Variants in EFCAB5 observed in about 807,000 individuals in gnomAD.
EFCAB5 encodes the protein EF-hand calcium-binding domain-containing protein 5.
Under a neutral mutation model 167.9 loss-of-function variants are expected in EFCAB5, and 131 were observed. The ratio of observed to expected loss-of-function variants is 0.78; its 90% CI spans 0.68 to 0.90. The LOEUF is 0.90. Among genes scored for constraint, EFCAB5 ranks in the 40% least tolerant of loss-of-function variants. The pLI is 0.00. For synonymous variants in EFCAB5, 574 were observed against 602.8 expected, an observed-to-expected ratio of 0.95 and a Z score of 0.70; for missense variants, 1,663 against 1,745.2, an observed-to-expected ratio of 0.95 and a Z score of 0.84.
At chr17:30,054,262 T>G (rs2070191619) in intron 10 of EFCAB5, 114 bp downstream of exon 10, 1 of 1,341,750 alleles carries the variant, frequency 7.5e-7, no homozygotes, top group African/African-American at 1.5e-5. Flanking sequence ...TATCAGATCA[T>G]GCAAACCTCA....
At chr17:29,987,746 G>A (rs367830511) in intron 4 of EFCAB5, among the ~76,000 whole-genome samples, 3 of 152,154 alleles carry the variant, frequency 2.0e-5, no homozygotes, top group East Asian at 1.9e-4. Flanking sequence ...AGAGAAAAAT[G>A]TAACTAGAGC....
At chr17:30,071,831 CT>C (rs2070744124) in intron 14 of EFCAB5, among the ~76,000 whole-genome samples, 1 of 152,102 alleles carries the variant, frequency 6.6e-6, no homozygotes, top group South Asian at 2.1e-4. Flanking sequence ...AGAAAAAAAT[CT>C]GTCATTTGCC....
intron 14 of EFCAB5, chr17:30,074,025 G>A (rs1432389877): frequency 6.1e-6 from 1 of 163,870 alleles, no homozygotes; most frequent in Non-Finnish European, 1.3e-5. Flanking sequence ...ATCTCTTCTG[G>A]AATTTCATAA....
At chr17:30,012,496 G>A (rs949099661) in intron 7 of EFCAB5, among the ~76,000 whole-genome samples, 2 of 152,194 alleles carry the variant, frequency 1.3e-5, no homozygotes, top group Non-Finnish European at 2.9e-5. Context: ...TGCCTCGGCT[G>A]CCAGGCAGGG....
In EFCAB5 at chr17:30,053,482, A is replaced by G. The variant is rs769938235; in HGVS notation, c.1528A>G (p.Arg510Gly). 6.2e-7 allele frequency: 1 copy of G among 1,614,050 alleles called. No homozygotes were observed. Among genetic ancestry groups the G allele is most frequent in the Non-Finnish European group, 8.5e-7 (1 of 1,179,898 alleles). The change falls in exon 10 of 23, where the codon AGA (arginine) becomes GGA (glycine). Residue 510 changes from arginine (R) to glycine (G), a missense_variant. Transcript: ENST00000394835. ...ATCACCAAACCCGCCAGAACAGCAG[A>G]GAGGAGTAACTGCAGAACAAGGACC... ...TPSPNPPEQQ[R>G]GVTAEQGPQR...
chr17:29,932,870 A>G (rs1182605225), intron 1 of EFCAB5, among the ~76,000 whole-genome samples: 2 of 152,214 alleles, frequency 1.3e-5, no homozygotes, highest in Non-Finnish European at 2.9e-5. Context: ...ATCCTGATCA[A>G]AATTGAATTA....
intron 22 of EFCAB5, among the ~76,000 whole-genome samples, chr17:30,102,238 A>G (rs1310595237): frequency 6.6e-6 from 1 of 152,196 alleles, no homozygotes; most frequent in Non-Finnish European, 1.5e-5. Context: ...AGAAGCTGAA[A>G]GCAGAGTCAT....
At chr17:30,103,326 T>C (rs1825946623) in intron 22 of EFCAB5, among the ~76,000 whole-genome samples, 1 of 151,790 alleles carries the variant, frequency 6.6e-6, no homozygotes, top group Non-Finnish European at 1.5e-5. Flanking sequence ...ATGAATTTTG[T>C]AAATATAATT....
At chr17:29,931,879 A>G (rs1304897550) in intron 1 of EFCAB5, among the ~76,000 whole-genome samples, 1 of 152,208 alleles carries the variant, frequency 6.6e-6, no homozygotes, top group Non-Finnish European at 1.5e-5. Context: ...ATGATGTTCT[A>G]CTTTTTCATG....
chr17:30,043,297 C>T (rs1025236001), intron 8 of EFCAB5, among the ~76,000 whole-genome samples: 6 of 152,004 alleles, frequency 3.9e-5, no homozygotes, highest in Admixed American at 2.0e-4. Context: ...GCTATACTTA[C>T]AATGGTAAAA....
At chr17:30,046,465 T>C (rs1024167120) in intron 8 of EFCAB5, among the ~76,000 whole-genome samples, 2 of 152,184 alleles carry the variant, frequency 1.3e-5, no homozygotes, top group African/African-American at 4.8e-5. Flanking sequence ...TCAGAAAACC[T>C]GATCATTATA....
intron 14 of EFCAB5, among the ~76,000 whole-genome samples, chr17:30,075,624 G>T (rs773782836): frequency 3.3e-5 from 5 of 152,136 alleles, no homozygotes; most frequent in Non-Finnish European, 5.9e-5. Flanking sequence ...TGTTTGTACT[G>T]CTTGGAATCT....
chr17:30,025,529 G>T (rs1404830895), intron 7 of EFCAB5, among the ~76,000 whole-genome samples: 5 of 152,206 alleles, frequency 3.3e-5, no homozygotes, highest in African/African-American at 1.2e-4. Flanking sequence ...ACAGGTGCTG[G>T]AGAGGACGTG....
At chr17:30,051,051 C>A in intron 8 of EFCAB5, 67 bp from the exon 9 acceptor site, 6 of 1,366,344 alleles carry the variant, frequency 4.4e-6, no homozygotes, top group Non-Finnish European at 5.2e-6. Flanking sequence ...CAATAAGCCA[C>A]GTTCCAACTG....
chr17:29,944,622 G>GTTTTTTTTTTTTTTT (rs1442294530), intron 3 of EFCAB5, among the ~76,000 whole-genome samples: 5 of 134,142 alleles, frequency 3.7e-5, no homozygotes, highest in Non-Finnish European at 8.2e-5. Context: ...TTTCTGTTTT[G>GTTTTTTTTTTTTTTT]TTTTGTTTTT....
chr17:30,056,085 G>C lies in EFCAB5; in HGVS notation c.2294G>C (p.Trp765Ser). The C allele has an allele frequency of 6.2e-7, 1 of 1,612,544 alleles. No individual in the cohort carries two copies. Among genetic ancestry groups the C allele is most frequent in the Non-Finnish European group, 8.5e-7 (1 of 1,179,156 alleles). The change falls in exon 12 of 23, where the codon TGG becomes TCG. Residue 765 changes from tryptophan to serine, a missense_variant. Coordinates refer to ENST00000394835, the MANE Select transcript of EFCAB5 (RefSeq NM_198529.4). Reference protein sequence around the residue: ...SWSGEFFTCNWKMKYVTFEDE... With the variant: ...SWSGEFFTCNSKMKYVTFEDE... ...ACAGGTGAATTTTTTACTTGTAACT[G>C]GAAAATGAAGTATGTCACATTTGAA...
intron 22 of EFCAB5, among the ~76,000 whole-genome samples, chr17:30,104,201 T>C (rs540103732): frequency 3.9e-5 from 6 of 152,338 alleles, no homozygotes; most frequent in African/African-American, 1.2e-4. Context: ...GGATTGTTAG[T>C]TGAAAGGAGC....
chr17:29,937,250 A>G (rs1440301112), upstream of EFCAB5, among the ~76,000 whole-genome samples: 3 of 151,822 alleles, frequency 2.0e-5, no homozygotes, highest in African/African-American at 7.3e-5. Flanking sequence ...GCAGTGGTGC[A>G]ATCTCGGCTC....
At chr17:29,974,101 G>A (rs1442375070) in intron 4 of EFCAB5, among the ~76,000 whole-genome samples, 1 of 150,026 alleles carries the variant, frequency 6.7e-6, no homozygotes, top group Non-Finnish European at 1.5e-5. Flanking sequence ...AGGTTGCAGT[G>A]AGCTGAGATT....
Sources: allele counts gnomAD v4.1 joint callset (sites outside exome capture counted in the v4.1 genomes callset), GRCh38; gene constraint gnomAD v4.1.1; transcripts MANE v1.5; gene names NCBI Gene and HGNC (gene_info 2026-07-23, HGNC 2026-07-21).